The following CNNM4 variants were observed in gnomAD, a reference collection of about 807,000 sequenced individuals.
CNNM4 encodes the protein cyclin and CBS domain divalent metal cation transport mediator 4.
In CNNM4, 32 loss-of-function variants were observed where a neutral mutation model predicts 53.7. That is an observed-to-expected ratio of 0.60 (90% CI 0.45 to 0.80). CNNM4 has a LOEUF of 0.80. CNNM4 is among the 30% of genes least tolerant of loss of function. The pLI is 0.00. For missense variants in CNNM4, 784 were observed against 1,022.0 expected (o/e 0.77, Z 3.17); for synonymous variants, 410 against 440.0 (o/e 0.93, Z 0.85).
chr2:96,777,892 G>C (rs895223408), intron 1 of CNNM4, among the ~76,000 whole-genome samples: 1 of 150,704 alleles, frequency 6.6e-6, no homozygotes, highest in East Asian at 2.0e-4. Flanking sequence ...TCTGAAACAG[G>C]ATCTTGCTTT....
Position 96,801,584 on chromosome 2 carries a change from CACAG to C in CNNM4, c.1948+1938_1948+1941del, listed in dbSNP as rs2079158661. ...AGACCACACACAGAGATAGCACACA[CACAG>C]AGAGACCACACACACAGAGACCACA... is the stretch of plus-strand genomic sequence containing the variant. On this transcript the variant is annotated intron_variant, in intron 5 of 6. Transcript: ENST00000377075. This position sits in a 1 kb window ranked among gnomAD's most constrained non-coding sequence, Gnocchi z 5.6. Among the ~76,000 whole-genome samples, 4 of 149,162 alleles carry C rather than the reference CACAG, an allele frequency of 2.7e-5. No individual in the cohort carries two copies. The South Asian group carries it at 8.5e-4, about 32-fold the overall frequency.
Position 96,797,341 on chromosome 2 carries a change from G to C in CNNM4, c.1547-172G>C, listed in dbSNP as rs2079112754. 3.9e-5 allele frequency among the ~76,000 whole-genome samples: 6 copies of C among 152,238 alleles called. No homozygotes were observed. Among genetic ancestry groups the C allele is most frequent in the Admixed American group, 3.9e-4 (6 of 15,288 alleles). On this transcript the variant is annotated intron_variant, in intron 2 of 6. Transcript: ENST00000377075. The surrounding 1 kb of genome is among the most constrained non-coding windows in gnomAD (Gnocchi z 6.0). ...TTGCTGAGAGCAGTGCCCGGAGGCT[G>C]CCTTCACCCTCGGCCTTTGTGCCTC...
Position 96,762,025 on chromosome 2 carries a change from G to A in CNNM4, c.1026G>A (p.Met342Ile). ...CTGTTTACAACCGGGAGAAGCTGATGGAGATGTTGAAGGTGACGGAGCCCT... is the reference window on the plus strand; with the variant it reads ...CTGTTTACAACCGGGAGAAGCTGATAGAGATGTTGAAGGTGACGGAGCCCT... The part of the protein sequence containing the change: ...IRTVYNREKL[M>I]EMLKVTEPYN... The change falls in exon 1 of 7, where the codon ATG becomes ATA. Residue 342 changes from methionine (M) to isoleucine (I), a missense_variant. Physicochemically the swap from Met to Ile is conservative, Grantham distance 10 (BLOSUM62 1). Transcript: ENST00000377075. 1 of 1,614,120 alleles carries A rather than the reference G, an allele frequency of 6.2e-7. No individual in the cohort carries two copies. Among genetic ancestry groups the A allele is most frequent in the Non-Finnish European group, 8.5e-7 (1 of 1,180,018 alleles).
intron 5 of CNNM4, among the ~76,000 whole-genome samples, chr2:96,804,458 A>G (rs1189658898): frequency 4.7e-5 from 7 of 148,994 alleles, no homozygotes; most frequent in African/African-American, 1.5e-4. Flanking sequence ...CTGGAGTGCA[A>G]TGGCGCGATT....
At chr2:96,762,476 T>C in intron 1 of CNNM4, 75 bp downstream of exon 1, 1 of 1,351,118 alleles carries the variant, frequency 7.4e-7, no homozygotes, top group Non-Finnish European at 1.1e-6. Flanking sequence ...TTGTGTCTGC[T>C]GGCTTTAGTG....
chr2:96,809,656 G>A lies in CNNM4; in HGVS notation c.*139G>A. 1 of 759,366 alleles carries A rather than the reference G, an allele frequency of 1.3e-6. No homozygotes were observed. Among genetic ancestry groups the A allele is most frequent in the Non-Finnish European group, 2.2e-6 (1 of 461,370 alleles). 47.0% of individuals were successfully genotyped at this position (759,366 alleles called of 1,614,324 possible). A position where few individuals can be genotyped will look rare whatever the true frequency, so the allele number is the denominator to read the frequency against. ...AACAGCCAGATGGCCCCCAGCCTAT[G>A]GGGGATCTGGCCTCTGCCAGGGACC... is the stretch of plus-strand genomic sequence containing the variant. On this transcript the variant is annotated 3_prime_UTR_variant, in exon 7 of 7. Coordinates refer to ENST00000377075, the MANE Select transcript of CNNM4 (RefSeq NM_020184.4).
Position 96,809,754 on chromosome 2 carries a change from G to T in CNNM4, c.*237G>T. On this transcript the variant is annotated 3_prime_UTR_variant, in exon 7 of 7. Transcript: ENST00000377075. ...AGTGGGCCAGCTACCGTAAGCAAAGGCTGTTTTTTACTGAGAGAATTTCTA... is the reference window on the plus strand; with the variant it reads ...AGTGGGCCAGCTACCGTAAGCAAAGTCTGTTTTTTACTGAGAGAATTTCTA... The T allele has an allele frequency of 2.2e-6, 1 of 453,484 alleles. No homozygotes were observed. The highest frequency in any genetic ancestry group is 3.9e-6 in the Non-Finnish European group (1 of 255,038). The allele number at this position is 453,484 out of a possible 1,614,324, so 28.1% of individuals were successfully genotyped here. A position where few individuals can be genotyped will look rare whatever the true frequency, so the allele number is the denominator to read the frequency against.
At chr2:96,804,240 T>TG in intron 5 of CNNM4, among the ~76,000 whole-genome samples, 1 of 149,680 alleles carries the variant, frequency 6.7e-6, no homozygotes, top group Admixed American at 6.6e-5. Flanking sequence ...TTTTTTTTTT[T>TG]TTTTTTTGAG....
intron 1 of CNNM4, among the ~76,000 whole-genome samples, chr2:96,790,277 A>G (rs1273145981): frequency 6.6e-6 from 1 of 151,944 alleles, no homozygotes; most frequent in East Asian, 1.9e-4. Context: ...AAGTGCTGAG[A>G]TTACAGGCGT....
chr2:96,774,960 C>CAAAAAAAAAAA lies in CNNM4; in HGVS notation c.1402+12587_1402+12597dup, dbSNP rs56997097. ...TGGGAGACAGAGTGAGACTCCATCTCAAAAAAAAAAAAAAAAAAAAAAAAA... is the reference window on the plus strand; with the variant it reads ...TGGGAGACAGAGTGAGACTCCATCTCAAAAAAAAAAAAAAAAAAAAAAAAAAAAAAAAAAAA... On this transcript the variant is annotated intron_variant, in intron 1 of 6. Coordinates refer to ENST00000377075, the MANE Select transcript of CNNM4 (RefSeq NM_020184.4). 7.3e-4 allele frequency among the ~76,000 whole-genome samples: 13 copies of CAAAAAAAAAAA among 17,690 alleles called. 5 individuals carry two copies. Among genetic ancestry groups the CAAAAAAAAAAA allele is most frequent in the Admixed American group, 2.1e-3 (2 of 956 alleles). The allele number at this position is 17,690 out of a possible 152,430, so 11.6% of individuals were successfully genotyped here.
chr2:96,791,912 G>C (rs775210638), intron 1 of CNNM4, among the ~76,000 whole-genome samples: 1 of 151,476 alleles, frequency 6.6e-6, no homozygotes, highest in African/African-American at 2.4e-5. Context: ...GGAGTCACTC[G>C]CTCTGTTGCC....
At chr2:96,767,014 C>T (rs967092169) in intron 1 of CNNM4, among the ~76,000 whole-genome samples, 21 of 152,158 alleles carry the variant, frequency 1.4e-4, no homozygotes, top group African/African-American at 4.8e-4. Context: ...CCATGTGCCT[C>T]AGTTTCCCCA....
chr2:96,760,947 G>A lies in CNNM4; in HGVS notation c.-53G>A. Reference sequence around the variant, plus strand: ...AGCGGCCGGAGCTGCGGTGCGGACCGGGGCCGCGCGGCGTGGCGCGGGGAG... The same window carrying A: ...AGCGGCCGGAGCTGCGGTGCGGACCAGGGCCGCGCGGCGTGGCGCGGGGAG... On this transcript the variant is annotated 5_prime_UTR_variant, in exon 1 of 7. Coordinates refer to ENST00000377075, the MANE Select transcript of CNNM4 (RefSeq NM_020184.4). The A allele has an allele frequency of 1.1e-6, 1 of 942,836 alleles. No homozygotes were observed. Among genetic ancestry groups the A allele is most frequent in the Non-Finnish European group, 1.3e-6 (1 of 790,690 alleles). The allele number at this position is 942,836 out of a possible 1,614,324, so 58.4% of individuals were successfully genotyped here. A position where few individuals can be genotyped will look rare whatever the true frequency, so the allele number is the denominator to read the frequency against.
chr2:96,786,427 A>G (rs1392391216), intron 1 of CNNM4, among the ~76,000 whole-genome samples: 1 of 151,528 alleles, frequency 6.6e-6, no homozygotes, highest in Admixed American at 6.6e-5. Context: ...AAAAAAAAAA[A>G]AGTTCTTAAA....
At chr2:96,809,128 C>G (rs1264544421) in intron 6 of CNNM4, 192 bp from the exon 7 acceptor site, 1 of 1,266,806 alleles carries the variant, frequency 7.9e-7, no homozygotes, top group Non-Finnish European at 1.1e-6. Context: ...AGGTGTGAGC[C>G]ACTGTGCCCA....
At chr2:96,792,755 G>C (rs2079072825) in intron 1 of CNNM4, among the ~76,000 whole-genome samples, 1 of 152,008 alleles carries the variant, frequency 6.6e-6, no homozygotes, top group South Asian at 2.1e-4. Flanking sequence ...AGTGAGCTGA[G>C]ATCGCGCCAC....
chr2:96,767,632 A>C (rs182906784), intron 1 of CNNM4, among the ~76,000 whole-genome samples: 2 of 151,600 alleles, frequency 1.3e-5, no homozygotes, highest in African/African-American at 2.4e-5. Context: ...TTCCCCACCC[A>C]CCTTATAACC....
At chr2:96,790,874 C>CT in intron 1 of CNNM4, among the ~76,000 whole-genome samples, 1 of 151,556 alleles carries the variant, frequency 6.6e-6, no homozygotes, top group East Asian at 2.0e-4. Flanking sequence ...AATCCCAGCA[C>CT]TTTGGGAGGT....
intron 1 of CNNM4, among the ~76,000 whole-genome samples, chr2:96,783,586 C>G (rs1235057824): frequency 6.6e-6 from 1 of 152,184 alleles, no homozygotes; most frequent in Non-Finnish European, 1.5e-5. Context: ...CTCCTGATGC[C>G]TGATTTCCTA....
Sources: allele counts gnomAD v4.1 joint callset (sites outside exome capture counted in the v4.1 genomes callset), GRCh38; gene constraint gnomAD v4.1.1; non-coding constraint Gnocchi (gnomAD v3.1); transcripts MANE v1.5; gene names NCBI Gene and HGNC (gene_info 2026-07-23, HGNC 2026-07-21).